FAM124A: variants seen among roughly 807,000 people sequenced by gnomAD.
FAM124A encodes protein FAM124A.
FAM124A carries 23 observed loss-of-function variants against 24.5 expected under a neutral mutation model. The observed-to-expected ratio is 0.94, with a 90% CI of 0.68 to 1.33. The LOEUF (loss-of-function observed/expected upper bound fraction) is 1.33, where lower values mean the gene tolerates loss of function less well. Ranked by LOEUF, FAM124A falls within the 40% of genes most tolerant of loss-of-function variation. The pLI, the probability that FAM124A is intolerant of heterozygous loss-of-function variation, is 0.00. For synonymous variants in FAM124A, 287 were observed against 314.7 expected (o/e 0.91, Z 0.93); for missense variants, 623 against 722.8 (o/e 0.86, Z 1.58).
At chr13:51,225,741 G>C (rs1464099487) in intron 1 of FAM124A, among the ~76,000 whole-genome samples, 1 of 152,228 alleles carries the variant, frequency 6.6e-6, no homozygotes, top group Non-Finnish European at 1.5e-5. Context: ...GCAGGAGCCA[G>C]ATTAGAGTGG....
In FAM124A at chr13:51,255,524, A is replaced by C. The variant is rs149557467; in HGVS notation, c.834+3323A>C. ...GAGTTCTTGTAGCAGCAAAAGCAAA[A>C]TGGAAAATCATCAATGATGTGATTC... On this transcript the variant is annotated intron_variant, in intron 3 of 3. Transcript: ENST00000322475. Among the ~76,000 whole-genome samples the C allele has an allele frequency of 2.2e-3, 340 of 152,328 alleles. 1 individual carries two copies. Among genetic ancestry groups the C allele is most frequent in the African/African-American group, 7.8e-3 (324 of 41,568 alleles).
At chr13:51,260,855 T>C (rs560408744) in intron 3 of FAM124A, among the ~76,000 whole-genome samples, 16 of 152,334 alleles carry the variant, frequency 1.1e-4, no homozygotes, top group African/African-American at 3.8e-4. Context: ...GCTGAAGTTC[T>C]GCCTCTCTGA....
At chr13:51,247,802 TCTC>T (rs982962730) in intron 2 of FAM124A, among the ~76,000 whole-genome samples, 39 of 152,210 alleles carry the variant, frequency 2.6e-4, no homozygotes, top group African/African-American at 8.9e-4. Flanking sequence ...TGTGGTATTT[TCTC>T]CTACTTTTAC....
At chr13:51,245,499 AT>A in intron 2 of FAM124A, 1 of 451,062 alleles carries the variant, frequency 2.2e-6, no homozygotes, top group Non-Finnish European at 3.9e-6. Context: ...TACAGCTCGA[AT>A]TTTCAGACTG....
At chr13:51,230,118 T>C (rs1223566909) in intron 1 of FAM124A, among the ~76,000 whole-genome samples, 1 of 152,226 alleles carries the variant, frequency 6.6e-6, no homozygotes, top group Non-Finnish European at 1.5e-5. Flanking sequence ...TATAAAGGGA[T>C]ATGCAAATGT....
intron 3 of FAM124A, 44 bp from the exon 4 acceptor site, chr13:51,280,406 C>A: frequency 6.7e-7 from 1 of 1,493,358 alleles, no homozygotes; most frequent in Non-Finnish European, 9.0e-7. Flanking sequence ...ATGCATTTAA[C>A]AATTCCCATC....
chr13:51,252,770 A>T (rs1954639575), intron 3 of FAM124A: 1 of 153,266 alleles, frequency 6.5e-6, no homozygotes, highest in Non-Finnish European at 1.5e-5. Flanking sequence ...TTGGAAAAGG[A>T]TGTCCCGTTA....
rs1037676320 is a variant in FAM124A, at chr13:51,272,812, G to A, written c.835-7638G>A. Among the ~76,000 whole-genome samples the A allele has an allele frequency of 6.6e-6, 1 of 152,188 alleles. No individual in the cohort carries two copies. Among genetic ancestry groups the A allele is most frequent in the Non-Finnish European group, 1.5e-5 (1 of 68,034 alleles). ...TGTGTTACACTTCTGGGACTGCCAG[G>A]TTCCTAACACCTGCCCAGGCAGGAG... is the stretch of plus-strand genomic sequence containing the variant. On this transcript the variant is annotated intron_variant, in intron 3 of 3. Coordinates refer to ENST00000322475, the MANE Select transcript of FAM124A (RefSeq NM_001242312.2). The surrounding 1 kb of genome is among the most constrained non-coding windows in gnomAD (Gnocchi z 4.2).
intron 3 of FAM124A, among the ~76,000 whole-genome samples, chr13:51,261,336 G>A (rs1593604812): frequency 6.6e-6 from 1 of 152,158 alleles, no homozygotes; most frequent in African/African-American, 2.4e-5. Context: ...GCTTGCCCCT[G>A]GGCCGAGACC....
In FAM124A at chr13:51,281,354, T is replaced by A. The variant is rs1954938032; in HGVS notation, c.*98T>A. The A allele has an allele frequency of 4.0e-6, 5 of 1,246,178 alleles. No individual in the cohort carries two copies. Among genetic ancestry groups the A allele is most frequent in the Non-Finnish European group, 5.4e-6 (5 of 926,370 alleles). 77.2% of individuals were successfully genotyped at this position (1,246,178 alleles called of 1,614,324 possible). A position where few individuals can be genotyped will look rare whatever the true frequency, so the allele number is the denominator to read the frequency against. On this transcript the variant is annotated 3_prime_UTR_variant, in exon 4 of 4. Transcript: ENST00000322475. ...ACTGAGCACACCACATTCTTCATGA[T>A]CCATTTCCCAGGAGCCCGTAGCACA...
At chr13:51,229,191 G>C (rs1566159755) in intron 1 of FAM124A, among the ~76,000 whole-genome samples, 1 of 152,244 alleles carries the variant, frequency 6.6e-6, no homozygotes, top group Non-Finnish European at 1.5e-5. Context: ...CAGCAGAGCT[G>C]GGCCATCCGT....
At chr13:51,222,983 C>T (rs1460505513) in intron 1 of FAM124A, among the ~76,000 whole-genome samples, 1 of 152,162 alleles carries the variant, frequency 6.6e-6, no homozygotes, top group Non-Finnish European at 1.5e-5. Flanking sequence ...GACACCCGCA[C>T]CTAAAAGTCT....
intron 3 of FAM124A, among the ~76,000 whole-genome samples, chr13:51,259,294 A>G (rs538608965): frequency 9.9e-5 from 15 of 152,044 alleles, no homozygotes; most frequent in African/African-American, 3.6e-4. Context: ...TGCAAATCAG[A>G]TCATGTGACT....
intron 2 of FAM124A, among the ~76,000 whole-genome samples, chr13:51,237,799 T>C (rs1284967550): frequency 6.6e-6 from 1 of 152,180 alleles, no homozygotes; most frequent in Admixed American, 6.5e-5. Context: ...TGTATACCTA[T>C]AGCTACTGTC....
intron 1 of FAM124A, among the ~76,000 whole-genome samples, chr13:51,226,559 CGTT>C (rs943087658): frequency 1.1e-4 from 16 of 152,030 alleles, no homozygotes; most frequent in African/African-American, 3.9e-4. Flanking sequence ...TACGAGTTCC[CGTT>C]GTTATTTATT....
At chr13:51,239,181 T>C (rs925667870) in intron 2 of FAM124A, among the ~76,000 whole-genome samples, 2 of 152,230 alleles carry the variant, frequency 1.3e-5, no homozygotes, top group African/African-American at 4.8e-5. Context: ...TACCTTGATG[T>C]GCCTGGTGCT....
Position 51,281,582 on chromosome 13 carries a change from G to C in FAM124A, c.*326G>C. 1 of 198,816 alleles carries C rather than the reference G, an allele frequency of 5.0e-6. No individual in the cohort carries two copies. Among genetic ancestry groups the C allele is most frequent in the Non-Finnish European group, 1.0e-5 (1 of 100,182 alleles). The allele number at this position is 198,816 out of a possible 1,614,324, so 12.3% of individuals were successfully genotyped here. ...TTATTTGAAATGAAAAGAAAACCTA[G>C]TCAGCCAGAACCAATTTGGCAATTT... On this transcript the variant is annotated 3_prime_UTR_variant, in exon 4 of 4. Coordinates refer to ENST00000322475, the MANE Select transcript of FAM124A (RefSeq NM_001242312.2).
At chr13:51,273,305 A>G (rs1954855912) in intron 3 of FAM124A, among the ~76,000 whole-genome samples, 1 of 152,184 alleles carries the variant, frequency 6.6e-6, no homozygotes, top group South Asian at 2.1e-4. Flanking sequence ...GGATGCGGTT[A>G]AACATCCTCA....
intron 2 of FAM124A, among the ~76,000 whole-genome samples, chr13:51,236,586 T>C (rs2137656128): frequency 6.6e-6 from 1 of 152,374 alleles, no homozygotes; most frequent in African/African-American, 2.4e-5. Flanking sequence ...AAGACATGAT[T>C]GCATACTGTA....
Sources: gnomAD v4.1 joint callset for allele counts (sites outside exome capture counted in the v4.1 genomes callset) on GRCh38, gnomAD v4.1.1 for gene constraint, Gnocchi (gnomAD v3.1) non-coding constraint, MANE v1.5 for transcripts, NCBI Gene and HGNC (gene_info 2026-07-23, HGNC 2026-07-21) for gene names.